The following OVOL1 variants were observed in gnomAD, a reference collection of about 807,000 sequenced individuals.
OVOL1 encodes the protein ovo like transcriptional repressor 1.
A neutral mutation model predicts 21.5 loss-of-function variants in OVOL1; 10 were observed. The observed-to-expected ratio is 0.46, with a 90% confidence interval of 0.29 to 0.79. OVOL1 has a LOEUF of 0.79. Ranked by LOEUF, OVOL1 falls within the 30% of genes least tolerant of loss-of-function variation. The probability of loss-of-function intolerance (pLI) is 0.10; values close to 1 mark genes in which losing one functional copy is unlikely to be tolerated. For missense variants in OVOL1, 279 were observed against 362.3 expected (o/e 0.77, Z 1.87); for synonymous variants, 129 against 150.3 (o/e 0.86, Z 1.03).
rs928090025 is a variant in OVOL1, at chr11:65,789,776, G to T, written c.100+2303G>T. The T allele has an allele frequency of 5.6e-6, 5 of 891,986 alleles. No individual in the cohort carries two copies. The African/African-American group carries it at 7.2e-5, about 13-fold the overall frequency. The allele number at this position is 891,986 out of a possible 1,614,324, so 55.3% of individuals were successfully genotyped here. ...GGAGTGTTTGAGTTCTGACCTTCCTGCCAGGTTCCTCTGAGACCCTCAAAG... is the reference window on the plus strand; with the variant it reads ...GGAGTGTTTGAGTTCTGACCTTCCTTCCAGGTTCCTCTGAGACCCTCAAAG... On this transcript the variant is annotated intron_variant, in intron 1 of 3. Coordinates refer to ENST00000335987, the MANE Select transcript of OVOL1 (RefSeq NM_004561.4).
chr11:65,796,414 G>C lies in OVOL1; in HGVS notation c.*1073G>C, dbSNP rs546961513. On this transcript the variant is annotated 3_prime_UTR_variant, in exon 4 of 4. Coordinates refer to ENST00000335987, the MANE Select transcript of OVOL1 (RefSeq NM_004561.4). ...TGGGGCTTTAGGGGGCAGGAAGGTG[G>C]GACGAATGACGATGCCCATCCACTA... The C allele has an allele frequency of 5.9e-5, 9 of 152,408 alleles. No individual in the cohort carries two copies. Among genetic ancestry groups the C allele is most frequent in the African/African-American group, 2.2e-4 (9 of 41,562 alleles). 9.4% of individuals were successfully genotyped at this position (152,408 alleles called of 1,614,324 possible).
At chr11:65,789,251 G>A (rs1035463662) in intron 1 of OVOL1, 4 of 219,752 alleles carry the variant, frequency 1.8e-5, no homozygotes, top group African/African-American at 4.7e-5. Flanking sequence ...CAGGGGAGAC[G>A]TATGCCCCAG....
intron 1 of OVOL1, among the ~76,000 whole-genome samples, chr11:65,791,886 CCACTCAGCGA>C (rs1326107131): frequency 6.6e-5 from 10 of 152,366 alleles, no homozygotes; most frequent in Admixed American, 5.2e-4. Flanking sequence ...CTGCCTCCTG[CCACTCAGCGA>C]CACTCAGTGC....
intron 1 of OVOL1, 66 bp downstream of exon 1, chr11:65,787,539 C>G: frequency 2.3e-6 from 2 of 876,312 alleles, no homozygotes; most frequent in Non-Finnish European, 3.0e-6. Flanking sequence ...GGCGGGCGGG[C>G]GGGCGCAGGT....
rs916610048 is a variant in OVOL1, at chr11:65,794,350, T to G, written c.318+102T>G. The G allele has an allele frequency of 1.7e-5, 21 of 1,215,806 alleles. No individual in the cohort carries two copies. The African/African-American group carries it at 3.1e-4, about 18-fold the overall frequency. 75.3% of individuals were successfully genotyped at this position (1,215,806 alleles called of 1,614,324 possible). A position where few individuals can be genotyped will look rare whatever the true frequency, so the allele number is the denominator to read the frequency against. On this transcript the variant is annotated intron_variant, in intron 2 of 3. Transcript: ENST00000335987. ...AATGAGATGTAGGCAGAGACTGACC[T>G]GGGACCTGGGCCAAGGTTTCTGCAG...
intron 1 of OVOL1, chr11:65,788,761 G>C: frequency 6.1e-6 from 6 of 985,478 alleles, no homozygotes; most frequent in Non-Finnish European, 7.2e-6. Flanking sequence ...TAAAACAAGG[G>C]AATGTGCCAG....
intron 1 of OVOL1, chr11:65,789,652 A>G (rs1462682327): frequency 3.0e-5 from 30 of 985,040 alleles, no homozygotes; most frequent in Non-Finnish European, 3.5e-5. Context: ...CCATGACCCC[A>G]GAGCCAGCTG....
chr11:65,796,456 A>G lies in OVOL1; in HGVS notation c.*1115A>G, dbSNP rs965803774. ...CATCCACTACCTGAAGCACTAGGAC[A>G]CTCTTGCAGGGCCAGGCTGGAAGAC... On this transcript the variant is annotated 3_prime_UTR_variant, in exon 4 of 4. Transcript: ENST00000335987. The G allele has an allele frequency of 6.6e-6, 1 of 152,076 alleles. No homozygotes were observed. Among genetic ancestry groups the G allele is most frequent in the African/African-American group, 2.4e-5 (1 of 41,372 alleles). The allele number at this position is 152,076 out of a possible 1,614,324, so 9.4% of individuals were successfully genotyped here.
chr11:65,787,101 T>G lies in OVOL1; in HGVS notation c.-273T>G. 3.2e-6 allele frequency: 1 copy of G among 310,560 alleles called. No homozygotes were observed. Among genetic ancestry groups the G allele is most frequent in the Non-Finnish European group, 6.3e-6 (1 of 157,918 alleles). 19.2% of individuals were successfully genotyped at this position (310,560 alleles called of 1,614,324 possible). On this transcript the variant is annotated 5_prime_UTR_variant, in exon 1 of 4. Transcript: ENST00000335987. ...TCCCGAGCGGCGGCGGGGACGCCAG[T>G]CGAGCCGGGAGACGCTTACCTGCCG...
In OVOL1 at chr11:65,795,359, G is replaced by A. The variant is rs934320767; in HGVS notation, c.*18G>A. ...ACCTGTGAGTGGCTCGAGCCCTGGGGGTGCTCCTGGAAGCCCCAAGAGCAT... is the reference window on the plus strand; with the variant it reads ...ACCTGTGAGTGGCTCGAGCCCTGGGAGTGCTCCTGGAAGCCCCAAGAGCAT... On this transcript the variant is annotated 3_prime_UTR_variant, in exon 4 of 4. Transcript: ENST00000335987. This position sits in a 1 kb window ranked among gnomAD's most constrained non-coding sequence, Gnocchi z 5.7. 5 of 1,558,300 alleles carry A rather than the reference G, an allele frequency of 3.2e-6. No homozygotes were observed. The African/African-American group carries it at 5.4e-5, about 17-fold the overall frequency.
intron 1 of OVOL1, chr11:65,788,633 GAC>G: frequency 1.4e-5 from 14 of 985,440 alleles, no homozygotes; most frequent in Non-Finnish European, 1.7e-5. Flanking sequence ...AGCTGTTGGA[GAC>G]AGTGTCCTGG....
chr11:65,792,843 C>T (rs1474107203), intron 1 of OVOL1, among the ~76,000 whole-genome samples: 1 of 152,250 alleles, frequency 6.6e-6, no homozygotes, highest in African/African-American at 2.4e-5. Context: ...CTGCTTCCCC[C>T]ATGTCCCTGT....
rs1257933486 is a variant in OVOL1, at chr11:65,794,587, G to T, written c.368G>T (p.Cys123Phe). ...GGAGACCTGTTCACCTGCCGTGTCT[G>T]CCAGAAGGCCTTCACCTACCAGCGC... ...PSGDLFTCRV[C>F]QKAFTYQRML... The change falls in exon 3 of 4, where the codon TGC becomes TTC. Residue 123 changes from cysteine (C) to phenylalanine (F), a missense_variant. Transcript: ENST00000335987. 6.2e-7 allele frequency: 1 copy of T among 1,613,452 alleles called. No individual in the cohort carries two copies. Among genetic ancestry groups the T allele is most frequent in the Admixed American group, 1.7e-5 (1 of 60,016 alleles).
rs1176583972 is a variant in OVOL1, at chr11:65,794,623, G to T, written c.404G>T (p.Arg135Leu). Reference sequence around the variant, plus strand: ...TTCACCTACCAGCGCATGCTGAACCGCCACATGAAGTGTCACAACGACGTC... The same window carrying T: ...TTCACCTACCAGCGCATGCTGAACCTCCACATGAAGTGTCACAACGACGTC... The part of the protein sequence containing the change: ...KAFTYQRMLN[R>L]HMKCHNDVKR... Residue 135 changes from arginine to leucine, a missense_variant, in exon 3 of 4, where the codon CGC (arginine) becomes CTC (leucine). Coordinates refer to ENST00000335987, the MANE Select transcript of OVOL1 (RefSeq NM_004561.4). The T allele has an allele frequency of 6.2e-7, 1 of 1,613,658 alleles. No individual in the cohort carries two copies. The highest frequency in any genetic ancestry group is 1.3e-5 in the African/African-American group (1 of 75,060).
chr11:65,787,751 C>A (rs1857933131), intron 1 of OVOL1, among the ~76,000 whole-genome samples: 1 of 152,124 alleles, frequency 6.6e-6, no homozygotes, highest in Non-Finnish European at 1.5e-5. Flanking sequence ...CTACCCCCAC[C>A]CCCTGAACCG....
At chr11:65,793,022 G>A (rs1238481914) in intron 1 of OVOL1, among the ~76,000 whole-genome samples, 3 of 152,218 alleles carry the variant, frequency 2.0e-5, no homozygotes, top group South Asian at 2.1e-4. Flanking sequence ...TAGGCCCCTC[G>A]TGATTTTTCC....
intron 1 of OVOL1, 144 bp from the exon 2 acceptor site, chr11:65,793,887 G>A (rs536621984): frequency 5.9e-5 from 38 of 640,954 alleles, no homozygotes; most frequent in Non-Finnish European, 8.4e-5. Flanking sequence ...AGTGGTGGTC[G>A]GGGCAGCCCC....
In OVOL1 at chr11:65,787,339, G is replaced by A. The variant is rs1180063394; in HGVS notation, c.-35G>A. The A allele has an allele frequency of 2.0e-6, 3 of 1,529,028 alleles. No homozygotes were observed. The highest frequency in any genetic ancestry group is 2.7e-6 in the Non-Finnish European group (3 of 1,128,052). The allele number at this position is 1,529,028 out of a possible 1,614,324, so 94.7% of individuals were successfully genotyped here. A position where few individuals can be genotyped will look rare whatever the true frequency, so the allele number is the denominator to read the frequency against. ...TGGGACGGCTCCCGGCTTCAGTTAC[G>A]GAAGCGGCCCGTGTCCAGCGACGAG... On this transcript the variant is annotated 5_prime_UTR_variant, in exon 1 of 4. Transcript: ENST00000335987.
In OVOL1 at chr11:65,794,140, C is replaced by T. The variant is rs769050645; in HGVS notation, c.210C>T (p.Tyr70=). ...ALNMSLRDSS[Y]SMAPGPCVVA... ...ACATGAGCCTTCGAGACTCTAGCTA[C>T]AGCATGGCCCCCGGGCCCTGTGTGG... The change falls in exon 2 of 4, where the codon TAC becomes TAT. Residue 70 remains tyrosine (Y), a synonymous_variant. Coordinates refer to ENST00000335987, the MANE Select transcript of OVOL1 (RefSeq NM_004561.4). 3.1e-6 allele frequency: 5 copies of T among 1,613,894 alleles called. No individual in the cohort carries two copies. The highest frequency in any genetic ancestry group is 2.2e-5 in the South Asian group (2 of 91,086).
Sources: allele counts gnomAD v4.1 joint callset (sites outside exome capture counted in the v4.1 genomes callset), GRCh38; gene constraint gnomAD v4.1.1; non-coding constraint Gnocchi (gnomAD v3.1); transcripts MANE v1.5; gene names NCBI Gene and HGNC (gene_info 2026-07-23, HGNC 2026-07-21).